Variants in SETD3 observed in about 807,000 individuals in gnomAD.
The protein encoded by SETD3 is actin-histidine N-methyltransferase.
In SETD3, 19 loss-of-function variants were observed where a neutral mutation model predicts 63.0. The ratio of observed to expected loss-of-function variants is 0.30; its 90% CI spans 0.21 to 0.44. The LOEUF (loss-of-function observed/expected upper bound fraction) is 0.44, where lower values mean the gene tolerates loss of function less well. Among genes scored for constraint, SETD3 ranks in the 20% least tolerant of loss-of-function variants. The probability of loss-of-function intolerance (pLI) is 1.00; values close to 1 mark genes in which losing one functional copy is unlikely to be tolerated. For synonymous variants in SETD3, 286 were observed against 264.1 expected (o/e 1.08, Z -0.80); for missense variants, 587 against 728.5 (o/e 0.81, Z 2.24).
At chr14:99,415,212 G>C (rs1163904395) in intron 6 of SETD3, among the ~76,000 whole-genome samples, 1 of 152,210 alleles carries the variant, frequency 6.6e-6, no homozygotes, top group Non-Finnish European at 1.5e-5. Context: ...AAGTGGGAAA[G>C]TGTTGTTTTT....
intron 9 of SETD3, among the ~76,000 whole-genome samples, chr14:99,406,238 T>TA (rs1891674553): frequency 6.6e-6 from 1 of 152,212 alleles, no homozygotes; most frequent in Admixed American, 6.5e-5. Flanking sequence ...TTAAGAGTGT[T>TA]ACAAATATTT....
intron 8 of SETD3, among the ~76,000 whole-genome samples, chr14:99,409,644 G>C (rs1013654494): frequency 5.9e-5 from 9 of 151,616 alleles, no homozygotes; most frequent in African/African-American, 2.2e-4. Flanking sequence ...GATGGAAACA[G>C]AGTGAGGACC....
At chr14:99,444,986 C>T (rs984876561) in intron 6 of SETD3, among the ~76,000 whole-genome samples, 2 of 152,124 alleles carry the variant, frequency 1.3e-5, no homozygotes, top group African/African-American at 4.8e-5. Flanking sequence ...ATATGGTCCA[C>T]CTGGAGTGGA....
At chr14:99,418,415 C>T (rs751848304) in intron 6 of SETD3, among the ~76,000 whole-genome samples, 5 of 152,110 alleles carry the variant, frequency 3.3e-5, no homozygotes, top group Non-Finnish European at 5.9e-5. Context: ...ACACCTAACT[C>T]ACGTGATGGT....
chr14:99,412,163 C>T (rs1892028837), intron 8 of SETD3: 1 of 152,262 alleles, frequency 6.6e-6, no homozygotes, highest in Non-Finnish European at 1.5e-5. Flanking sequence ...CTTATTTCTG[C>T]CTACTAATAT....
intron 6 of SETD3, among the ~76,000 whole-genome samples, chr14:99,438,085 C>T (rs2139709753): frequency 6.6e-6 from 1 of 152,314 alleles, no homozygotes; most frequent in African/African-American, 2.4e-5. Context: ...TTTTAAATGA[C>T]TTCAGAGCAT....
intron 5 of SETD3, 146 bp downstream of exon 5, chr14:99,458,967 C>A: frequency 1.8e-6 from 1 of 554,592 alleles, no homozygotes; most frequent in South Asian, 2.8e-5. Context: ...TTTTTTATAA[C>A]ATTAAATGAA....
intron 6 of SETD3, among the ~76,000 whole-genome samples, chr14:99,447,676 T>A (rs1894212783): frequency 6.6e-6 from 1 of 152,244 alleles, no homozygotes; most frequent in Admixed American, 6.5e-5. Context: ...CAGGCAAGCC[T>A]GGACTGATGT....
rs1595258275 is a variant in SETD3, at chr14:99,463,434, C to G, written c.196+52G>C. The stretch of plus-strand genomic sequence containing the variant: ...CTACTCGTCAACCCTTTGACCTAAT[C>G]AAGTTTCTACATGACATTATTAAAA... On this transcript the variant is annotated intron_variant, in intron 3 of 12. Coordinates refer to ENST00000331768, the MANE Select transcript of SETD3 (RefSeq NM_032233.3). The G allele has an allele frequency of 8.4e-6, 12 of 1,423,266 alleles. No individual in the cohort carries two copies. The South Asian group carries it at 1.2e-4, about 14-fold the overall frequency. The allele number at this position is 1,423,266 out of a possible 1,614,324, so 88.2% of individuals were successfully genotyped here.
chr14:99,448,253 C>G (rs534562472), intron 6 of SETD3, among the ~76,000 whole-genome samples: 5 of 152,208 alleles, frequency 3.3e-5, no homozygotes, highest in Non-Finnish European at 7.4e-5. Context: ...AGGATCAAAG[C>G]CTGAGAAGAG....
chr14:99,432,463 T>G (rs924098514), intron 6 of SETD3, among the ~76,000 whole-genome samples: 3 of 152,218 alleles, frequency 2.0e-5, no homozygotes, highest in African/African-American at 7.2e-5. Context: ...GCCATTTATA[T>G]TCACACTTTA....
At chr14:99,473,952 T>A (rs1218084769) in intron 1 of SETD3, among the ~76,000 whole-genome samples, 1 of 152,236 alleles carries the variant, frequency 6.6e-6, no homozygotes, top group Non-Finnish European at 1.5e-5. Context: ...CAGGGCCTAG[T>A]AGCAGCGCCA....
intron 11 of SETD3, among the ~76,000 whole-genome samples, chr14:99,403,471 T>A (rs1198487815): frequency 2.0e-5 from 3 of 149,504 alleles, no homozygotes; most frequent in African/African-American, 7.6e-5. Flanking sequence ...TCTCTCTCTC[T>A]CTCTCTCTCT....
chr14:99,480,135 T>C (rs948084965), intron 1 of SETD3, among the ~76,000 whole-genome samples: 133 of 152,314 alleles, frequency 8.7e-4, no homozygotes, highest in African/African-American at 3.0e-3. Context: ...TCTTCCTAAC[T>C]GGACGGCGCG....
At chr14:99,478,012 C>G (rs1290031107) in intron 1 of SETD3, among the ~76,000 whole-genome samples, 1 of 152,050 alleles carries the variant, frequency 6.6e-6, no homozygotes, top group Non-Finnish European at 1.5e-5. Flanking sequence ...TATTCTAATA[C>G]TCTCGACTGG....
chr14:99,429,543 A>G (rs937048058), intron 6 of SETD3, among the ~76,000 whole-genome samples: 2 of 152,174 alleles, frequency 1.3e-5, no homozygotes, highest in South Asian at 4.1e-4. Context: ...CTGTTTCATG[A>G]TTGTCATTAA....
chr14:99,438,444 T>C (rs1893611208), intron 6 of SETD3, among the ~76,000 whole-genome samples: 1 of 152,244 alleles, frequency 6.6e-6, no homozygotes, highest in South Asian at 2.1e-4. Context: ...CAAGTTAGAA[T>C]AAGCTAGGAA....
At chr14:99,480,117 T>C (rs1896197638) in intron 1 of SETD3, among the ~76,000 whole-genome samples, 1 of 152,224 alleles carries the variant, frequency 6.6e-6, no homozygotes, top group Non-Finnish European at 1.5e-5. Flanking sequence ...ACCTATTTCC[T>C]ACGTCCGTCT....
At position 99,458,428 on chromosome 14, in the gene SETD3, T is replaced by C; in HGVS notation, c.526A>G (p.Ile176Val). 1 of 1,614,120 alleles carries C rather than the reference T, an allele frequency of 6.2e-7. No homozygotes were observed. Among genetic ancestry groups the C allele is most frequent in the Non-Finnish European group, 8.5e-7 (1 of 1,180,010 alleles). Residue 176 changes from isoleucine to valine, a missense_variant, in exon 6 of 13, where the codon ATT becomes GTT. Ile to Val is a conservative substitution (Grantham distance 29, BLOSUM62 3). Transcript: ENST00000331768. ...ASPNSFWQPY[I>V]QTLPSEYDTP... ...TCATATTCACTGGGGAGGGTTTGAA[T>C]ATAGGGCTGCCAGAAGGAGTTAGGG...
Sources: allele counts gnomAD v4.1 joint callset (sites outside exome capture counted in the v4.1 genomes callset), GRCh38; gene constraint gnomAD v4.1.1; transcripts MANE v1.5; gene names NCBI Gene and HGNC (gene_info 2026-07-23, HGNC 2026-07-21).